The following DOCK2 variants were observed in gnomAD, a reference collection of about 807,000 sequenced individuals.
DOCK2 encodes the protein dedicator of cytokinesis protein 2.
Under a neutral mutation model 248.9 loss-of-function variants are expected in DOCK2, and 87 were observed. The observed-to-expected ratio is 0.35, with a 90% confidence interval of 0.29 to 0.42. DOCK2 has a LOEUF of 0.42. Among genes scored for constraint, DOCK2 ranks in the 10% least tolerant of loss-of-function variants. The pLI is 1.00. For missense variants in DOCK2, 1,747 were observed against 2,300.2 expected (o/e 0.76, Z 4.92); for synonymous variants, 805 against 821.6 (o/e 0.98, Z 0.35).
intron 6 of DOCK2, 96 bp from the exon 7 acceptor site, chr5:169,681,648 C>A: frequency 7.2e-7 from 1 of 1,395,536 alleles, no homozygotes; most frequent in East Asian, 2.5e-5. Flanking sequence ...ACTATATGAC[C>A]CCCAGAAATC....
chr5:169,845,518 T>G (rs907677814), intron 27 of DOCK2, among the ~76,000 whole-genome samples: 1 of 152,176 alleles, frequency 6.6e-6, no homozygotes, highest in Non-Finnish European at 1.5e-5. Flanking sequence ...ACTAATGAAA[T>G]GAAGTGAGTG....
chr5:169,936,914 T>C (rs1205172316), intron 27 of DOCK2, among the ~76,000 whole-genome samples: 1 of 152,238 alleles, frequency 6.6e-6, no homozygotes, highest in Non-Finnish European at 1.5e-5. Flanking sequence ...AATTCAAACA[T>C]ACTTACAGAA....
chr5:169,742,451 A>G (rs1458352330), intron 22 of DOCK2, among the ~76,000 whole-genome samples: 1 of 152,202 alleles, frequency 6.6e-6, no homozygotes, highest in African/African-American at 2.4e-5. Context: ...AAGGCTAGGA[A>G]CCCAGGCAGT....
intron 27 of DOCK2, among the ~76,000 whole-genome samples, chr5:169,854,525 C>G (rs1463558199): frequency 1.3e-5 from 2 of 152,198 alleles, no homozygotes; most frequent in Non-Finnish European, 2.9e-5. Context: ...TTCTTCTGAA[C>G]AGTCTGTAAA....
At chr5:169,757,968 A>T (rs1004402383) in intron 23 of DOCK2, among the ~76,000 whole-genome samples, 2 of 152,238 alleles carry the variant, frequency 1.3e-5, no homozygotes, top group Non-Finnish European at 2.9e-5. Context: ...GTAATTGACA[A>T]TCTCTCCTAA....
At chr5:169,843,208 A>C (rs556368731) in intron 27 of DOCK2, among the ~76,000 whole-genome samples, 1 of 152,130 alleles carries the variant, frequency 6.6e-6, no homozygotes, top group African/African-American at 2.4e-5. Flanking sequence ...ACCTTTCAAC[A>C]TGTTGAAATC....
At chr5:169,835,628 A>G (rs1341648846) in intron 26 of DOCK2, among the ~76,000 whole-genome samples, 1 of 152,182 alleles carries the variant, frequency 6.6e-6, no homozygotes, top group Non-Finnish European at 1.5e-5. Flanking sequence ...AAAAAGAAGT[A>G]CCAAAGCATA....
At chr5:169,958,447 C>T (rs1450686537) in intron 27 of DOCK2, among the ~76,000 whole-genome samples, 2 of 152,174 alleles carry the variant, frequency 1.3e-5, no homozygotes, top group Non-Finnish European at 2.9e-5. Flanking sequence ...TTAGAATGTT[C>T]TGCTTGAAAA....
At position 170,008,673 on chromosome 5, in the gene DOCK2, T is replaced by G. The variant is rs1755158998; in HGVS notation, c.3174-15T>G. On this transcript the variant is annotated splice_polypyrimidine_tract_variant and intron_variant, in intron 31 of 51. Coordinates refer to ENST00000520908, the MANE Select transcript of DOCK2 (RefSeq NM_004946.3). Reference sequence around the variant, plus strand: ...CTGAGATGGTGCCTGAAGCAGAGGTTTTTGTTCCTCCTAGGTATGGGGACA... The same window carrying G: ...CTGAGATGGTGCCTGAAGCAGAGGTGTTTGTTCCTCCTAGGTATGGGGACA... 1 of 1,614,080 alleles carries G rather than the reference T, an allele frequency of 6.2e-7. No homozygotes were observed. Among genetic ancestry groups the G allele is most frequent in the Non-Finnish European group, 8.5e-7 (1 of 1,179,978 alleles).
intron 27 of DOCK2, among the ~76,000 whole-genome samples, chr5:169,876,692 C>T (rs147747544): frequency 4.9e-4 from 75 of 152,332 alleles, no homozygotes; most frequent in Middle Eastern, 3.4e-3. Flanking sequence ...CTTAAAAAGA[C>T]CCATTGAGAA....
chr5:169,730,298 C>G (rs262877), intron 22 of DOCK2, among the ~76,000 whole-genome samples: 48,775 of 152,078 alleles, frequency 0.32, 11,640 homozygotes, highest in African/African-American at 0.66. Context: ...ATCAGCCATG[C>G]GATGGCTGGA....
intron 27 of DOCK2, among the ~76,000 whole-genome samples, chr5:169,945,551 A>G (rs1776413662): frequency 1.3e-5 from 2 of 152,212 alleles, no homozygotes; most frequent in South Asian, 2.1e-4. Flanking sequence ...GGGAGATAGT[A>G]TTGTGCTCAT....
At chr5:169,720,560 C>T (rs953279828) in intron 22 of DOCK2, among the ~76,000 whole-genome samples, 5 of 152,090 alleles carry the variant, frequency 3.3e-5, no homozygotes, top group Non-Finnish European at 7.4e-5. Context: ...CAACCAGCTG[C>T]GCTAATCCTC....
At chr5:169,681,686 C>T in intron 6 of DOCK2, 58 bp from the exon 7 acceptor site, 1 of 1,589,310 alleles carries the variant, frequency 6.3e-7, no homozygotes, top group Non-Finnish European at 8.6e-7. Context: ...AAAAGCTTCT[C>T]ACCAGTGACC....
At chr5:169,668,825 T>G (rs2113275718) in intron 2 of DOCK2, among the ~76,000 whole-genome samples, 1 of 152,342 alleles carries the variant, frequency 6.6e-6, no homozygotes, top group South Asian at 2.1e-4. Flanking sequence ...GTTAGAACTG[T>G]CAGTGTTATT....
At chr5:169,673,784 C>T (rs1401668822) in intron 5 of DOCK2, among the ~76,000 whole-genome samples, 1 of 152,208 alleles carries the variant, frequency 6.6e-6, no homozygotes, top group Non-Finnish European at 1.5e-5. Context: ...TTCCCTTACA[C>T]AGAAGGATGG....
chr5:170,022,931 T>C (rs897426495), intron 33 of DOCK2, among the ~76,000 whole-genome samples: 1 of 152,208 alleles, frequency 6.6e-6, no homozygotes, highest in Non-Finnish European at 1.5e-5. Flanking sequence ...GGGAGGTGCA[T>C]TCCAGCAAAT....
chr5:170,070,181 G>A (rs999651866), intron 46 of DOCK2, among the ~76,000 whole-genome samples: 9 of 152,258 alleles, frequency 5.9e-5, no homozygotes, highest in African/African-American at 1.7e-4. Context: ...AGGAGCTGGC[G>A]GGAGGTGAGC....
chr5:169,713,943 C>T, intron 17 of DOCK2, 85 bp from the exon 18 acceptor site: 4 of 1,429,994 alleles, frequency 2.8e-6, no homozygotes, highest in Non-Finnish European at 3.7e-6. Context: ...CCCCACTTCA[C>T]AGTGTCTAAT....
Sources: allele counts gnomAD v4.1 joint callset (sites outside exome capture counted in the v4.1 genomes callset), GRCh38; gene constraint gnomAD v4.1.1; transcripts MANE v1.5; gene names NCBI Gene and HGNC (gene_info 2026-07-23, HGNC 2026-07-21).